ST7: variants seen among roughly 807,000 people sequenced by gnomAD.
ST7 encodes suppressor of tumorigenicity 7 protein.
ST7 carries 28 observed loss-of-function variants against 78.7 expected under a neutral mutation model. The observed-to-expected ratio is 0.36, with a 90% CI of 0.26 to 0.49. The LOEUF (loss-of-function observed/expected upper bound fraction) is 0.49. ST7 is among the 20% of genes least tolerant of loss of function. The probability of loss-of-function intolerance (pLI) is 0.99; values close to 1 mark genes in which losing one functional copy is unlikely to be tolerated. For synonymous variants in ST7, 247 were observed against 249.6 expected (o/e 0.99, Z 0.10); for missense variants, 418 against 696.0 (o/e 0.60, Z 4.49).
At chr7:117,161,515 A>G in intron 9 of ST7, among the ~76,000 whole-genome samples, 1 of 150,448 alleles carries the variant, frequency 6.6e-6, no homozygotes, top group Middle Eastern at 3.2e-3. Context: ...TGTGGCCCTC[A>G]TCTGACCACC....
At chr7:117,148,054 A>G (rs562345576) in intron 9 of ST7, among the ~76,000 whole-genome samples, 6 of 152,324 alleles carry the variant, frequency 3.9e-5, no homozygotes, top group East Asian at 1.9e-4. Context: ...CTTATAAACC[A>G]TATTATTCAA....
intron 1 of ST7, among the ~76,000 whole-genome samples, chr7:116,957,526 C>T (rs951254541): frequency 5.3e-5 from 8 of 152,018 alleles, no homozygotes; most frequent in Non-Finnish European, 8.8e-5. Flanking sequence ...AGGCTCTGCT[C>T]TTGATTTGGA....
intron 12 of ST7, among the ~76,000 whole-genome samples, chr7:117,201,808 T>C (rs1013925144): frequency 5.3e-5 from 8 of 152,012 alleles, no homozygotes; most frequent in African/African-American, 1.7e-4. Flanking sequence ...GCCTGCTTCT[T>C]ATGTCTTGAG....
chr7:116,960,232 C>T (rs1337365671), intron 1 of ST7, among the ~76,000 whole-genome samples: 1 of 151,868 alleles, frequency 6.6e-6, no homozygotes, highest in African/African-American at 2.4e-5. Flanking sequence ...CTCTGTTGCC[C>T]AGGCTGGAGT....
chr7:117,162,535 A>G (rs890368938), intron 9 of ST7, among the ~76,000 whole-genome samples: 6 of 149,146 alleles, frequency 4.0e-5, no homozygotes, highest in African/African-American at 1.5e-4. Context: ...ACTACGGATG[A>G]GGAAAATCCC....
intron 1 of ST7, among the ~76,000 whole-genome samples, chr7:116,989,629 G>A (rs1188461053): frequency 2.0e-5 from 3 of 151,210 alleles, no homozygotes; most frequent in African/African-American, 4.9e-5. Context: ...GCTTGAGTCC[G>A]GGAGTTTGAG....
At chr7:117,116,480 C>G (rs974485971) in intron 2 of ST7, among the ~76,000 whole-genome samples, 1 of 152,028 alleles carries the variant, frequency 6.6e-6, no homozygotes, top group African/African-American at 2.4e-5. Flanking sequence ...AGGTGCTCGC[C>G]CAAAGCCTGA....
At chr7:116,994,207 C>T (rs148992291) in intron 1 of ST7, among the ~76,000 whole-genome samples, 2 of 152,244 alleles carry the variant, frequency 1.3e-5, no homozygotes, top group Admixed American at 6.5e-5. Flanking sequence ...TACTTTCTCT[C>T]TCTATGAATT....
At chr7:116,985,202 C>T (rs1794140859) in intron 1 of ST7, among the ~76,000 whole-genome samples, 1 of 152,080 alleles carries the variant, frequency 6.6e-6, no homozygotes, top group Non-Finnish European at 1.5e-5. Context: ...GTTTGGATCA[C>T]TTTGTTTACC....
chr7:117,125,537 G>T (rs907100431), intron 3 of ST7, among the ~76,000 whole-genome samples: 2 of 151,992 alleles, frequency 1.3e-5, no homozygotes, highest in African/African-American at 4.8e-5. Context: ...TTATGAAACA[G>T]TTAAAGCTTA....
At chr7:117,215,940 G>T (rs1365846259) in intron 13 of ST7, among the ~76,000 whole-genome samples, 1 of 151,900 alleles carries the variant, frequency 6.6e-6, no homozygotes, top group Non-Finnish European at 1.5e-5. Flanking sequence ...AATTATCTAA[G>T]ATACTCTAAG....
At chr7:117,008,284 C>G (rs1164554943) in intron 1 of ST7, among the ~76,000 whole-genome samples, 1 of 152,132 alleles carries the variant, frequency 6.6e-6, no homozygotes, top group Non-Finnish European at 1.5e-5. Context: ...TGTGAAATGT[C>G]TAACCAAATT....
At chr7:117,000,314 G>A (rs1794881447) in intron 1 of ST7, among the ~76,000 whole-genome samples, 1 of 152,186 alleles carries the variant, frequency 6.6e-6, no homozygotes, top group African/African-American at 2.4e-5. Flanking sequence ...TAATGGAAAT[G>A]TCCTGTAATA....
At chr7:117,156,797 A>G (rs1806727748) in intron 9 of ST7, among the ~76,000 whole-genome samples, 1 of 152,186 alleles carries the variant, frequency 6.6e-6, no homozygotes, top group Non-Finnish European at 1.5e-5. Context: ...AAAAAAGTAG[A>G]GAGGACAAGG....
At chr7:117,023,181 G>T (rs1796013590) in intron 1 of ST7, among the ~76,000 whole-genome samples, 1 of 152,004 alleles carries the variant, frequency 6.6e-6, no homozygotes, top group Non-Finnish European at 1.5e-5. Flanking sequence ...GCAGTAGCCT[G>T]GATATCACAT....
intron 1 of ST7, among the ~76,000 whole-genome samples, chr7:117,000,270 T>A (rs1273956938): frequency 6.6e-6 from 1 of 152,218 alleles, no homozygotes; most frequent in Non-Finnish European, 1.5e-5. Flanking sequence ...TAGGAAGTTT[T>A]TAGAGCAGCG....
chr7:117,172,249 G>A (rs894367353), intron 10 of ST7, among the ~76,000 whole-genome samples: 1 of 152,064 alleles, frequency 6.6e-6, no homozygotes, highest in Non-Finnish European at 1.5e-5. Flanking sequence ...CTGGCCATTG[G>A]GTCTTATTTT....
chr7:116,972,128 C>A, intron 1 of ST7: 2 of 551,600 alleles, frequency 3.6e-6, no homozygotes, highest in South Asian at 2.8e-5. Flanking sequence ...GAGTCAGGGT[C>A]AGAGGGAGGA....
chr7:117,020,039 A>G (rs1390965451), intron 1 of ST7: 1 of 152,246 alleles, frequency 6.6e-6, no homozygotes, highest in Non-Finnish European at 1.5e-5. Flanking sequence ...TCATGGGATG[A>G]AGAGCTGCGC....
Sources: allele counts gnomAD v4.1 joint callset (sites outside exome capture counted in the v4.1 genomes callset), GRCh38; gene constraint gnomAD v4.1.1; transcripts MANE v1.5; gene names NCBI Gene and HGNC (gene_info 2026-07-23, HGNC 2026-07-21).